ENTREP2: variants seen among roughly 807,000 people sequenced by gnomAD.
The protein encoded by ENTREP2 is protein ENTREP2.
chr15:29,606,281 C>T, the ENTREP2 span, among the ~76,000 whole-genome samples: 1 of 149,650 alleles, frequency 6.7e-6, no homozygotes, highest in Non-Finnish European at 1.5e-5. Flanking sequence ...GTCACCCAGA[C>T]TGGAGTGCAG....
At chr15:29,341,935 A>T in the ENTREP2 span, among the ~76,000 whole-genome samples, 2 of 152,220 alleles carry the variant, frequency 1.3e-5, no homozygotes, top group Non-Finnish European at 2.9e-5. Flanking sequence ...TGTGTCAAGA[A>T]GCCACTGAAA....
At chr15:29,453,101 A>G in the ENTREP2 span, among the ~76,000 whole-genome samples, 4 of 152,328 alleles carry the variant, frequency 2.6e-5, no homozygotes, top group East Asian at 7.7e-4. Context: ...CACAATAAAA[A>G]AGGAGATCAG....
At chr15:29,354,126 G>C in the ENTREP2 span, among the ~76,000 whole-genome samples, 1 of 152,154 alleles carries the variant, frequency 6.6e-6, no homozygotes. Flanking sequence ...GGCCCACATA[G>C]AACAAAAAGG....
At chr15:29,139,912 CAGGCTGGGGCTGG>C in the ENTREP2 span, among the ~76,000 whole-genome samples, 1 of 152,312 alleles carries the variant, frequency 6.6e-6, no homozygotes, top group South Asian at 2.1e-4. Flanking sequence ...CTCTGCTCTG[CAGGCTGGGGCTGG>C]AGGTCTGCAG....
chr15:29,387,820 T>C, the ENTREP2 span, among the ~76,000 whole-genome samples: 3 of 152,014 alleles, frequency 2.0e-5, no homozygotes, highest in African/African-American at 7.2e-5. Flanking sequence ...ATACCACACA[T>C]CTACAACCAT....
chr15:29,184,689 C>G, the ENTREP2 span, among the ~76,000 whole-genome samples: 3 of 152,104 alleles, frequency 2.0e-5, no homozygotes, highest in Non-Finnish European at 2.9e-5. Flanking sequence ...CCAAAGGATG[C>G]CTATGCAGCG....
chr15:29,449,172 C>T, the ENTREP2 span, among the ~76,000 whole-genome samples: 2 of 152,190 alleles, frequency 1.3e-5, no homozygotes, highest in Non-Finnish European at 2.9e-5. Context: ...GGAAACTGAC[C>T]TAATGAGAAC....
chr15:29,482,818 G>T, the ENTREP2 span, among the ~76,000 whole-genome samples: 1 of 152,282 alleles, frequency 6.6e-6, no homozygotes, highest in East Asian at 1.9e-4. Context: ...GCAGGCTTTT[G>T]TAGGGCCATA....
the ENTREP2 span, among the ~76,000 whole-genome samples, chr15:29,541,348 G>C: frequency 6.0e-3 from 915 of 152,300 alleles, 4 homozygotes; most frequent in African/African-American, 0.021. Flanking sequence ...AAACAGGATG[G>C]ACACAGCTAC....
the ENTREP2 span, among the ~76,000 whole-genome samples, chr15:29,338,810 C>T: frequency 2.0e-5 from 3 of 152,094 alleles, no homozygotes; most frequent in Non-Finnish European, 4.4e-5. Context: ...TTTAAAAATA[C>T]CATTTCCAAA....
the ENTREP2 span, among the ~76,000 whole-genome samples, chr15:29,356,337 C>T: frequency 1.9e-5 from 2 of 107,206 alleles, no homozygotes; most frequent in African/African-American, 3.5e-5. Context: ...GACGGAGTCT[C>T]GCTCTGTCGC....
chr15:29,568,159 G>A, the ENTREP2 span, among the ~76,000 whole-genome samples: 99 of 152,218 alleles, frequency 6.5e-4, no homozygotes, highest in African/African-American at 2.2e-3. Flanking sequence ...GGTATACACT[G>A]TACCGTACTG....
chr15:29,279,378 T>A, the ENTREP2 span, among the ~76,000 whole-genome samples: 3 of 152,188 alleles, frequency 2.0e-5, no homozygotes, highest in East Asian at 5.8e-4. Flanking sequence ...GGATTTTTTT[T>A]TTTTTGAGAT....
At chr15:29,136,569 A>G in the ENTREP2 span, 1 of 1,510,150 alleles carries the variant, frequency 6.6e-7, no homozygotes, top group Non-Finnish European at 8.8e-7. Flanking sequence ...CAGCTCTCAA[A>G]GCCGCCAGAG....
the ENTREP2 span, among the ~76,000 whole-genome samples, chr15:29,255,416 G>T: frequency 6.6e-6 from 1 of 152,154 alleles, no homozygotes; most frequent in Non-Finnish European, 1.5e-5. Context: ...ATACACTGTT[G>T]GTGGAAATGT....
chr15:29,648,679 T>C, the ENTREP2 span, among the ~76,000 whole-genome samples: 1 of 152,204 alleles, frequency 6.6e-6, no homozygotes, highest in Non-Finnish European at 1.5e-5. Context: ...GGCTCATGCC[T>C]GTAATCCCAG....
chr15:29,372,262 G>A, the ENTREP2 span, among the ~76,000 whole-genome samples: 4 of 152,032 alleles, frequency 2.6e-5, no homozygotes, highest in Non-Finnish European at 4.4e-5. Context: ...CGATGAGGAC[G>A]AAGGCCTTTA....
the ENTREP2 span, among the ~76,000 whole-genome samples, chr15:29,191,453 G>GAGA: frequency 0.38 from 58,153 of 151,530 alleles, 11,338 homozygotes; most frequent in East Asian, 0.55. Context: ...TAACCAAGGA[G>GAGA]AGAAGGCTGC....
At chr15:29,530,869 G>C in the ENTREP2 span, among the ~76,000 whole-genome samples, 1 of 152,192 alleles carries the variant, frequency 6.6e-6, no homozygotes, top group Non-Finnish European at 1.5e-5. Context: ...TCCAACCACA[G>C]GCCCAGAGCA....
Sources: gnomAD v4.1 joint callset for allele counts (sites outside exome capture counted in the v4.1 genomes callset) on GRCh38, gnomAD v4.1.1 for gene constraint, MANE v1.5 for transcripts, NCBI Gene and HGNC (gene_info 2026-07-23, HGNC 2026-07-21) for gene names.